Variants in ALCAM observed in about 807,000 individuals in gnomAD.
ALCAM encodes CD166 antigen.
ALCAM carries 30 observed loss-of-function variants against 70.9 expected under a neutral mutation model. The observed-to-expected ratio is 0.42, with a 90% CI of 0.32 to 0.57. The LOEUF is 0.57. Ranked by LOEUF, ALCAM falls within the 20% of genes least tolerant of loss-of-function variation. The pLI, the probability that ALCAM is intolerant of heterozygous loss-of-function variation, is 0.11. For synonymous variants in ALCAM, 249 were observed against 242.5 expected, an observed-to-expected ratio of 1.03 and a Z score of -0.25; for missense variants, 591 against 695.1, an observed-to-expected ratio of 0.85 and a Z score of 1.68.
In ALCAM at chr3:105,404,527, C is replaced by T. The variant is rs140981956; in HGVS notation, c.73+37046C>T. The stretch of plus-strand genomic sequence containing the variant: ...AAAGATACAGTTGTTTCCAGACAAA[C>T]AAATGCTAAGAGAATTTGCCACTAC... On this transcript the variant is annotated intron_variant, in intron 1 of 15. Transcript: ENST00000306107. Among the ~76,000 whole-genome samples, 30 of 152,134 alleles carry T rather than the reference C, an allele frequency of 2.0e-4. No homozygotes were observed. In the East Asian group the frequency reaches 5.8e-3, roughly 29 times the overall value.
At chr3:105,400,990 A>G (rs1936075230) in intron 1 of ALCAM, among the ~76,000 whole-genome samples, 2 of 152,226 alleles carry the variant, frequency 1.3e-5, no homozygotes, top group Non-Finnish European at 2.9e-5. Context: ...GAATCGAACT[A>G]TTACTAAAGA....
chr3:105,421,064 C>T (rs996528976), intron 1 of ALCAM, among the ~76,000 whole-genome samples: 1 of 151,228 alleles, frequency 6.6e-6, no homozygotes, highest in Admixed American at 6.6e-5. Context: ...CTTTTTATTC[C>T]TCAGGCAGTA....
chr3:105,413,705 TAAGTA>T (rs1415953462), intron 1 of ALCAM, among the ~76,000 whole-genome samples: 1 of 152,176 alleles, frequency 6.6e-6, no homozygotes, highest in Non-Finnish European at 1.5e-5. Flanking sequence ...TAATACTGAA[TAAGTA>T]AAGTGTCCAC....
chr3:105,407,591 A>G (rs1036299925), intron 1 of ALCAM, among the ~76,000 whole-genome samples: 1 of 152,216 alleles, frequency 6.6e-6, no homozygotes, highest in Non-Finnish European at 1.5e-5. Flanking sequence ...AAAGCCATCT[A>G]TGACAAACCC....
At chr3:105,447,036 T>C (rs1937317452) in intron 1 of ALCAM, among the ~76,000 whole-genome samples, 1 of 152,182 alleles carries the variant, frequency 6.6e-6, no homozygotes, top group Non-Finnish European at 1.5e-5. Context: ...AAATGATAAA[T>C]GTGCGAAGTT....
intron 1 of ALCAM, among the ~76,000 whole-genome samples, chr3:105,472,584 T>C (rs1425994140): frequency 1.3e-5 from 2 of 151,658 alleles, no homozygotes; most frequent in African/African-American, 4.8e-5. Context: ...AATGTGACAA[T>C]ATACCTGTTT....
chr3:105,408,018 C>T (rs1936293269), intron 1 of ALCAM, among the ~76,000 whole-genome samples: 1 of 151,844 alleles, frequency 6.6e-6, no homozygotes, highest in Non-Finnish European at 1.5e-5. Context: ...CGTGAAAGAC[C>T]TTACAAAGAA....
intron 1 of ALCAM, among the ~76,000 whole-genome samples, chr3:105,382,981 G>T (rs1050822461): frequency 6.6e-6 from 1 of 151,560 alleles, no homozygotes; most frequent in African/African-American, 2.4e-5. Flanking sequence ...ATTTTTCTTG[G>T]AATTCCATGT....
intron 12 of ALCAM, among the ~76,000 whole-genome samples, chr3:105,551,282 C>A (rs938878962): frequency 5.9e-5 from 9 of 151,664 alleles, no homozygotes; most frequent in Non-Finnish European, 1.2e-4. Context: ...TGATTTGTCC[C>A]ACCTAGGAAG....
At chr3:105,408,880 G>A (rs900545936) in intron 1 of ALCAM, among the ~76,000 whole-genome samples, 23 of 151,800 alleles carry the variant, frequency 1.5e-4, no homozygotes, top group African/African-American at 4.1e-4. Flanking sequence ...ATCAAAAAGC[G>A]GGCTAAGGAG....
At chr3:105,559,252 A>G (rs1206113692) in intron 14 of ALCAM, among the ~76,000 whole-genome samples, 2 of 148,108 alleles carry the variant, frequency 1.4e-5, no homozygotes, top group African/African-American at 2.5e-5. Flanking sequence ...TATAACATAT[A>G]TATACATATT....
chr3:105,423,669 C>T (rs1936723663), intron 1 of ALCAM, among the ~76,000 whole-genome samples: 1 of 151,452 alleles, frequency 6.6e-6, no homozygotes, highest in Admixed American at 6.6e-5. Flanking sequence ...AAATATTTCG[C>T]TAGAAATTTA....
intron 3 of ALCAM, among the ~76,000 whole-genome samples, chr3:105,526,620 T>A (rs1043710084): frequency 2.6e-5 from 4 of 152,136 alleles, no homozygotes; most frequent in African/African-American, 9.7e-5. Flanking sequence ...ATGCTAGAAA[T>A]CGTGAGACCC....
intron 1 of ALCAM, among the ~76,000 whole-genome samples, chr3:105,395,345 A>T (rs1935923635): frequency 6.6e-6 from 1 of 151,992 alleles, no homozygotes; most frequent in Admixed American, 6.6e-5. Context: ...TAATATGAAG[A>T]TTCAAGAGTT....
chr3:105,420,624 C>T (rs1253697645), intron 1 of ALCAM, among the ~76,000 whole-genome samples: 2 of 151,700 alleles, frequency 1.3e-5, no homozygotes, highest in African/African-American at 4.8e-5. Context: ...ATTAATGCCA[C>T]TCCTGGTCCA....
intron 3 of ALCAM, among the ~76,000 whole-genome samples, chr3:105,527,025 C>A (rs1939722276): frequency 6.6e-6 from 1 of 152,104 alleles, no homozygotes; most frequent in Non-Finnish European, 1.5e-5. Context: ...ATCTTTAATG[C>A]AGGTTTGCTT....
chr3:105,479,325 A>C (rs1938207947), intron 1 of ALCAM, among the ~76,000 whole-genome samples: 1 of 152,190 alleles, frequency 6.6e-6, no homozygotes. Flanking sequence ...TAAGGTCAGA[A>C]AGTATAACTA....
intron 14 of ALCAM, among the ~76,000 whole-genome samples, chr3:105,566,881 T>C (rs1940754894): frequency 6.6e-6 from 1 of 152,296 alleles, no homozygotes; most frequent in Middle Eastern, 3.4e-3. Context: ...GTATCTGAAT[T>C]CCCATCTGGT....
intron 3 of ALCAM, 164 bp downstream of exon 3, chr3:105,524,672 GAAAAC>G: frequency 1.5e-6 from 2 of 1,331,080 alleles, no homozygotes; most frequent in Non-Finnish European, 1.9e-6. Context: ...TATCAGCAAA[GAAAAC>G]AAAGAGTATG....
Sources: allele counts gnomAD v4.1 joint callset (sites outside exome capture counted in the v4.1 genomes callset), GRCh38; gene constraint gnomAD v4.1.1; transcripts MANE v1.5; gene names NCBI Gene and HGNC (gene_info 2026-07-23, HGNC 2026-07-21).